PIK3CD: variants seen among roughly 807,000 people sequenced by gnomAD.
PIK3CD encodes phosphatidylinositol-4,5-bisphosphate 3-kinase catalytic subunit delta.
Under a neutral mutation model 122.9 loss-of-function variants are expected in PIK3CD, and 20 were observed. The observed-to-expected ratio is 0.16, with a 90% CI of 0.11 to 0.24. The LOEUF (loss-of-function observed/expected upper bound fraction) is 0.24, where lower values mean the gene tolerates loss of function less well. Ranked by LOEUF, PIK3CD falls within the 10% of genes least tolerant of loss-of-function variation. The probability of loss-of-function intolerance (pLI) is 1.00; values close to 1 mark genes in which losing one functional copy is unlikely to be tolerated. For missense variants in PIK3CD, 787 were observed against 1,406.3 expected, an observed-to-expected ratio of 0.56 and a Z score of 7.04; for synonymous variants, 596 against 593.4, an observed-to-expected ratio of 1.00 and a Z score of -0.06.
At chr1:9,667,516 A>C (rs535828890) in intron 1 of PIK3CD, among the ~76,000 whole-genome samples, 10 of 151,988 alleles carry the variant, frequency 6.6e-5, no homozygotes, top group African/African-American at 2.4e-4. Context: ...AGCTGGGACC[A>C]CAGGCTCACG....
intron 1 of PIK3CD, among the ~76,000 whole-genome samples, chr1:9,685,302 G>A (rs917700403): frequency 1.4e-4 from 21 of 151,528 alleles, no homozygotes; most frequent in African/African-American, 5.1e-4. Context: ...TGGTTTTTTT[G>A]TTTGTTTGTT....
chr1:9,698,471 C>A (rs1226631332), intron 2 of PIK3CD, among the ~76,000 whole-genome samples: 1 of 152,226 alleles, frequency 6.6e-6, no homozygotes, highest in African/African-American at 2.4e-5. Flanking sequence ...GCTTTATCAA[C>A]AAGCATATGT....
chr1:9,635,676 T>G, the PIK3CD span, among the ~76,000 whole-genome samples: 21 of 152,328 alleles, frequency 1.4e-4, no homozygotes, highest in South Asian at 3.7e-3. Flanking sequence ...GTGGGGGATC[T>G]CCTAGAGCCG....
In PIK3CD at chr1:9,718,975, C is replaced by T; in HGVS notation, c.1242+60C>T. 1 of 1,483,804 alleles carries T rather than the reference C, an allele frequency of 6.7e-7. No homozygotes were observed. The highest frequency in any genetic ancestry group is 1.7e-4 in the Middle Eastern group (1 of 5,744). The allele number at this position is 1,483,804 out of a possible 1,614,324, so 91.9% of individuals were successfully genotyped here. On this transcript the variant is annotated intron_variant, in intron 9 of 23. Transcript: ENST00000377346. This position sits in a 1 kb window ranked among gnomAD's most constrained non-coding sequence, Gnocchi z 7.2. ...CCCGGAGAGCCAGTACAGCCCCTTG[C>T]TGGGCCACTCACCACTCTCCTCCCG...
chr1:9,649,100 T>TTAA (rs1644633289), upstream of PIK3CD, among the ~76,000 whole-genome samples: 1 of 86,522 alleles, frequency 1.2e-5, no homozygotes, highest in African/African-American at 6.8e-5. Flanking sequence ...AGACCCTGTC[T>TTAA]CAACAAACAA....
In PIK3CD at chr1:9,652,160, T is replaced by C. The variant is rs1189317084; in HGVS notation, c.-138+358T>C. Among the ~76,000 whole-genome samples, 3 of 151,994 alleles carry C rather than the reference T, an allele frequency of 2.0e-5. No homozygotes were observed. The highest frequency in any genetic ancestry group is 4.4e-5 in the Non-Finnish European group (3 of 67,950). ...CTCACAGCGGCGGTGCGGCCTCCGG[T>C]GCGCCGGCTGAGGCGCGAGGATACT... On this transcript the variant is annotated intron_variant, in intron 1 of 23. Coordinates refer to ENST00000377346, the MANE Select transcript of PIK3CD (RefSeq NM_005026.5). This position sits in a 1 kb window ranked among gnomAD's most constrained non-coding sequence, Gnocchi z 6.2.
the PIK3CD span, among the ~76,000 whole-genome samples, chr1:9,628,933 G>A: frequency 6.6e-6 from 1 of 152,162 alleles, no homozygotes; most frequent in South Asian, 2.1e-4. Context: ...GAACTCCATG[G>A]GAAGGTCCCC....
At chr1:9,650,049 A>G (rs535218386), upstream of PIK3CD, among the ~76,000 whole-genome samples, 16 of 152,338 alleles carry the variant, frequency 1.1e-4, no homozygotes, top group African/African-American at 3.8e-4. Context: ...GAATCCCACA[A>G]AATACAAGAC....
At position 9,720,181 on chromosome 1, in the gene PIK3CD, C is replaced by T; in HGVS notation, c.1409C>T (p.Ala470Val). The change falls in exon 11 of 24, where the codon GCC becomes GTC. Residue 470 changes from alanine to valine, a missense_variant. Physicochemically the swap from Ala to Val is moderately conservative, Grantham distance 64 (BLOSUM62 0). Around this residue, in one of 6 missense-constraint regions of PIK3CD, gnomAD observed 592 missense variants for 920.6 expected, o/e 0.64. Transcript: ENST00000377346. This position sits in a 1 kb window ranked among gnomAD's most constrained non-coding sequence, Gnocchi z 9.0. The part of the protein sequence containing the change: ...RSNPNTDSAA[A>V]LLICLPEVAP... ...AACCCCAACACGGATAGCGCCGCTG[C>T]CCTGCTCATCTGCCTGCCCGAGGTG... 1 of 1,612,384 alleles carries T rather than the reference C, an allele frequency of 6.2e-7. No individual in the cohort carries two copies. The highest frequency in any genetic ancestry group is 8.5e-7 in the Non-Finnish European group (1 of 1,179,438).
At chr1:9,627,785 A>G in the PIK3CD span, among the ~76,000 whole-genome samples, 1 of 152,100 alleles carries the variant, frequency 6.6e-6, no homozygotes, top group African/African-American at 2.4e-5. Flanking sequence ...CTGAGGGATG[A>G]CTGCTGCCCA....
chr1:9,708,608 G>C (rs559316997), intron 2 of PIK3CD, among the ~76,000 whole-genome samples: 294 of 152,186 alleles, frequency 1.9e-3, no homozygotes, highest in African/African-American at 6.8e-3. Flanking sequence ...AGCACTTTGG[G>C]AGCCCAAGGC....
At chr1:9,655,591 G>A (rs747197861) in intron 1 of PIK3CD, among the ~76,000 whole-genome samples, 27 of 151,452 alleles carry the variant, frequency 1.8e-4, no homozygotes, top group African/African-American at 6.1e-4. Flanking sequence ...CTGGATATGC[G>A]TGAAACTCCC....
intron 2 of PIK3CD, among the ~76,000 whole-genome samples, chr1:9,698,410 G>C (rs1475884556): frequency 6.6e-6 from 1 of 152,188 alleles, no homozygotes; most frequent in Non-Finnish European, 1.5e-5. Flanking sequence ...CCAAAGTGCT[G>C]GGATTACAGG....
At chr1:9,675,351 A>T (rs1645489185) in intron 1 of PIK3CD, among the ~76,000 whole-genome samples, 1 of 135,066 alleles carries the variant, frequency 7.4e-6, no homozygotes, top group Non-Finnish European at 1.5e-5. Flanking sequence ...GCGCCACTGC[A>T]CTCCCACCTG....
chr1:9,724,865 C>T lies in PIK3CD; in HGVS notation c.2926C>T (p.His976Tyr). ...ILRRHGLLFL[H>Y]LFALMRAAGL... is the part of the protein sequence containing the mutation. Reference sequence around the variant, plus strand: ...GCGGCGCCACGGGCTTCTCTTCCTCCACCTCTTTGCCCTGATGCGGGCGGC... The same window carrying T: ...GCGGCGCCACGGGCTTCTCTTCCTCTACCTCTTTGCCCTGATGCGGGCGGC... The change falls in exon 23 of 24, where the codon CAC becomes TAC. Residue 976 changes from histidine to tyrosine, a missense_variant. Physicochemically the swap from His to Tyr is moderately conservative, Grantham distance 83. Transcript: ENST00000377346. This position sits in a 1 kb window ranked among gnomAD's most constrained non-coding sequence, Gnocchi z 7.3. The T allele has an allele frequency of 2.5e-6, 4 of 1,614,082 alleles. No homozygotes were observed. Among genetic ancestry groups the T allele is most frequent in the Non-Finnish European group, 3.4e-6 (4 of 1,180,040 alleles).
intron 2 of PIK3CD, among the ~76,000 whole-genome samples, chr1:9,702,061 C>T (rs1419776140): frequency 6.6e-6 from 1 of 150,782 alleles, no homozygotes; most frequent in Non-Finnish European, 1.5e-5. Flanking sequence ...GTGGTGCGAT[C>T]TCGGCTCACT....
At position 9,721,872 on chromosome 1, in the gene PIK3CD, G is replaced by A; in HGVS notation, c.2055+12G>A. 6.2e-7 allele frequency: 1 copy of A among 1,612,762 alleles called. No individual in the cohort carries two copies. The highest frequency in any genetic ancestry group is 8.5e-7 in the Non-Finnish European group (1 of 1,179,724). On this transcript the variant is annotated intron_variant, in intron 16 of 23. Transcript: ENST00000377346. ...TGCTGATGAAGCAGGTGAGGCCCAA[G>A]GCCCTGGGGGGCGGGCAGGGGGCGG...
Position 9,653,875 on chromosome 1 carries a change from A to G in PIK3CD, c.-138+2073A>G, listed in dbSNP as rs766611500. 1.2e-5 allele frequency: 17 copies of G among 1,367,366 alleles called. No individual in the cohort carries two copies. The East Asian group carries it at 1.4e-4, about 11-fold the overall frequency. The allele number at this position is 1,367,366 out of a possible 1,614,324, so 84.7% of individuals were successfully genotyped here. On this transcript the variant is annotated intron_variant, in intron 1 of 23. Coordinates refer to ENST00000377346, the MANE Select transcript of PIK3CD (RefSeq NM_005026.5). The stretch of plus-strand genomic sequence containing the variant: ...CCTCTTTTGGTGCTTTCACAGAATG[A>G]TGGAAGACACTGGAGTGGGCTGGAG...
At chr1:9,694,617 T>G (rs549512701) in intron 2 of PIK3CD, among the ~76,000 whole-genome samples, 67 of 152,262 alleles carry the variant, frequency 4.4e-4, no homozygotes, top group African/African-American at 1.6e-3. Context: ...CAAGCAGGGT[T>G]AGTGCCTTTC....
Sources: allele counts gnomAD v4.1 joint callset (sites outside exome capture counted in the v4.1 genomes callset), GRCh38; gene constraint gnomAD v4.1.1; regional missense constraint gnomAD v4.1.1; non-coding constraint Gnocchi (gnomAD v3.1); transcripts MANE v1.5; gene names NCBI Gene and HGNC (gene_info 2026-07-23, HGNC 2026-07-21).